ESRRG: variants seen among roughly 807,000 people sequenced by gnomAD.
The protein encoded by ESRRG is estrogen related receptor gamma.
ESRRG carries 13 observed loss-of-function variants against 44.0 expected under a neutral mutation model. The ratio of observed to expected loss-of-function variants is 0.30; its 90% CI spans 0.19 to 0.47. The LOEUF is 0.47. Ranked by LOEUF, ESRRG falls within the 20% of genes least tolerant of loss-of-function variation. ESRRG has a pLI of 1.00. For missense variants in ESRRG, 395 were observed against 580.6 expected, an observed-to-expected ratio of 0.68 and a Z score of 3.29; for synonymous variants, 215 against 214.6, an observed-to-expected ratio of 1.00 and a Z score of -0.02.
Position 216,699,299 on chromosome 1 carries a change from A to G in ESRRG, c.57-21808T>C, listed in dbSNP as rs147375534. On this transcript the variant is annotated intron_variant, in intron 1 of 6. Coordinates refer to ENST00000408911, the MANE Select transcript of ESRRG (RefSeq NM_001438.4). ...AAGAATGCTGTAAAAGTGAGAAAATATGGCAACAGTGTGCTGTACATCACC... is the reference window on the plus strand; with the variant it reads ...AAGAATGCTGTAAAAGTGAGAAAATGTGGCAACAGTGTGCTGTACATCACC... Among the ~76,000 whole-genome samples, 16 of 152,336 alleles carry G rather than the reference A, an allele frequency of 1.1e-4. No individual in the cohort carries two copies. In the East Asian group the frequency reaches 1.5e-3, roughly 15 times the overall value.
chr1:216,519,345 G>T lies in ESRRG; in HGVS notation c.939C>A (p.Val313=). The T allele has an allele frequency of 7.4e-6, 12 of 1,613,462 alleles. No homozygotes were observed. The highest frequency in any genetic ancestry group is 1.0e-5 in the Non-Finnish European group (12 of 1,179,614). ...CCTCAAACGAAAGAGACCGGTATAC[G>T]ACACCAAGGATCAAAATTTCCATCC... The part of the protein sequence containing the change: ...SAWMEILILG[V]VYRSLSFEDE... The change falls in exon 6 of 7, where the codon GTC becomes GTA. Residue 313 remains valine (V), a synonymous_variant. Coordinates refer to ENST00000408911, the MANE Select transcript of ESRRG (RefSeq NM_001438.4).
chr1:216,939,395 G>A (rs2064826446), intron 2 of ESRRG, among the ~76,000 whole-genome samples: 1 of 115,938 alleles, frequency 8.6e-6, no homozygotes. Flanking sequence ...TTAAAATGAT[G>A]TTTTTACATT....
At chr1:216,666,870 T>C (rs2074043926) in intron 2 of ESRRG, among the ~76,000 whole-genome samples, 1 of 152,192 alleles carries the variant, frequency 6.6e-6, no homozygotes, top group South Asian at 2.1e-4. Flanking sequence ...TCTCAACAGT[T>C]ACTCGCTAGG....
intron 2 of ESRRG, among the ~76,000 whole-genome samples, chr1:216,729,214 A>G (rs1321113422): frequency 1.3e-5 from 2 of 152,226 alleles, no homozygotes. Context: ...GGACCATATG[A>G]TCCCGTGCGC....
At chr1:216,808,942 AAAG>A (rs2148432956) in intron 2 of ESRRG, among the ~76,000 whole-genome samples, 1 of 152,200 alleles carries the variant, frequency 6.6e-6, no homozygotes, top group East Asian at 1.9e-4. Context: ...AATGGGAAAG[AAAG>A]AAGAAAAGAG....
intron 2 of ESRRG, among the ~76,000 whole-genome samples, chr1:216,756,360 C>T (rs2092444469): frequency 6.6e-6 from 1 of 151,784 alleles, no homozygotes; most frequent in African/African-American, 2.4e-5. Context: ...TTTCTTGGTC[C>T]TGGAATAAGA....
At chr1:217,033,106 C>T (rs2082312883) in intron 1 of ESRRG, among the ~76,000 whole-genome samples, 1 of 152,208 alleles carries the variant, frequency 6.6e-6, no homozygotes, top group Non-Finnish European at 1.5e-5. Flanking sequence ...TGGCTGAGTG[C>T]TGTGTCAAGT....
At chr1:216,891,792 C>T (rs1012719805) in intron 2 of ESRRG, among the ~76,000 whole-genome samples, 4 of 143,520 alleles carry the variant, frequency 2.8e-5, no homozygotes, top group Non-Finnish European at 4.5e-5. Context: ...GTGTGGTGCC[C>T]GCTTTTTTTT....
intron 2 of ESRRG, among the ~76,000 whole-genome samples, chr1:216,660,650 G>C (rs551895940): frequency 2.5e-4 from 38 of 152,302 alleles, no homozygotes; most frequent in African/African-American, 8.9e-4. Flanking sequence ...TGCTATTGTT[G>C]CCAGTCAGAA....
chr1:216,842,312 T>G (rs11572571), intron 2 of ESRRG, among the ~76,000 whole-genome samples: 36,513 of 152,016 alleles, frequency 0.24, 4,459 homozygotes, highest in Admixed American at 0.3. Context: ...CAGAAAGACA[T>G]TGCTTTCTAG....
At chr1:216,948,778 G>A (rs545681581) in intron 1 of ESRRG, among the ~76,000 whole-genome samples, 1 of 152,158 alleles carries the variant, frequency 6.6e-6, no homozygotes, top group African/African-American at 2.4e-5. Context: ...GTTTTTAGCT[G>A]TTTTTTAGAC....
chr1:216,986,008 C>T (rs925603419), intron 1 of ESRRG, among the ~76,000 whole-genome samples: 19 of 152,178 alleles, frequency 1.2e-4, no homozygotes, highest in Non-Finnish European at 2.4e-4. Context: ...GGAGTCTAAT[C>T]TTTAGGTCCC....
chr1:217,078,993 A>T (rs1257481927), intron 1 of ESRRG, among the ~76,000 whole-genome samples: 1 of 152,246 alleles, frequency 6.6e-6, no homozygotes, highest in Non-Finnish European at 1.5e-5. Context: ...GATGTTAGGA[A>T]CAGACAAGCA....
intron 2 of ESRRG, among the ~76,000 whole-genome samples, chr1:216,739,334 ATAAGC>A (rs1423953402): frequency 6.6e-6 from 1 of 152,166 alleles, no homozygotes; most frequent in Non-Finnish European, 1.5e-5. Context: ...ATAGTTCTAC[ATAAGC>A]TATTTTTTAA....
intron 1 of ESRRG, among the ~76,000 whole-genome samples, chr1:217,001,162 C>A (rs1385496889): frequency 6.6e-6 from 1 of 152,206 alleles, no homozygotes; most frequent in Non-Finnish European, 1.5e-5. Context: ...GTAATATCAA[C>A]CTGTCTACTA....
At chr1:216,891,624 G>C (rs2057802874) in intron 2 of ESRRG, among the ~76,000 whole-genome samples, 1 of 152,142 alleles carries the variant, frequency 6.6e-6, no homozygotes, top group African/African-American at 2.4e-5. Context: ...CCGTACCATA[G>C]AGATAGCAAA....
chr1:216,951,717 ATG>A (rs59233267), intron 1 of ESRRG, among the ~76,000 whole-genome samples: 10,565 of 143,572 alleles, frequency 0.074, 897 homozygotes, highest in African/African-American at 0.21. Flanking sequence ...AACTATCACT[ATG>A]TGTGTGTGTG....
intron 2 of ESRRG, among the ~76,000 whole-genome samples, chr1:216,919,720 C>T (rs11117724): frequency 0.49 from 74,968 of 151,968 alleles, 18,811 homozygotes; most frequent in Middle Eastern, 0.58. Flanking sequence ...ATCATGTTTC[C>T]ATACCACTAC....
chr1:216,610,249 A>G (rs1263788270), intron 3 of ESRRG, among the ~76,000 whole-genome samples: 1 of 151,836 alleles, frequency 6.6e-6, no homozygotes, highest in Non-Finnish European at 1.5e-5. Flanking sequence ...ATGTTTCTAA[A>G]GATGCTGCCA....
Sources: gnomAD v4.1 joint callset for allele counts (sites outside exome capture counted in the v4.1 genomes callset) on GRCh38, gnomAD v4.1.1 for gene constraint, MANE v1.5 for transcripts, NCBI Gene and HGNC (gene_info 2026-07-23, HGNC 2026-07-21) for gene names.